The following DDC variants were observed in gnomAD, a reference collection of about 807,000 sequenced individuals.
The protein encoded by DDC is aromatic-L-amino-acid decarboxylase.
Under a neutral mutation model 60.0 loss-of-function variants are expected in DDC, and 43 were observed. The observed-to-expected ratio is 0.72, with a 90% CI of 0.56 to 0.92. The LOEUF is 0.92. Among genes scored for constraint, DDC ranks in the 40% least tolerant of loss-of-function variants. The probability of loss-of-function intolerance (pLI) is 0.00; values close to 1 mark genes in which losing one functional copy is unlikely to be tolerated. For missense variants in DDC, 573 were observed against 620.2 expected, an observed-to-expected ratio of 0.92 and a Z score of 0.81; for synonymous variants, 232 against 234.6, an observed-to-expected ratio of 0.99 and a Z score of 0.10.
chr7:50,512,827 C>T (rs2043617648), intron 6 of DDC, among the ~76,000 whole-genome samples: 1 of 152,154 alleles, frequency 6.6e-6, no homozygotes, highest in Non-Finnish European at 1.5e-5. Flanking sequence ...TTTAAGGATA[C>T]AGACAGTGTG....
intron 4 of DDC, among the ~76,000 whole-genome samples, chr7:50,534,901 G>A (rs1004484308): frequency 5.3e-5 from 8 of 152,202 alleles, no homozygotes; most frequent in African/African-American, 1.7e-4. Flanking sequence ...AGCTGACAGA[G>A]CACTGGCTGC....
chr7:50,521,821 A>G (rs2043898809), intron 6 of DDC, among the ~76,000 whole-genome samples: 1 of 152,178 alleles, frequency 6.6e-6, no homozygotes, highest in Admixed American at 6.5e-5. Flanking sequence ...CCTACTCTTA[A>G]CATCATACTT....
At chr7:50,507,961 G>A (rs759036849) in intron 6 of DDC, among the ~76,000 whole-genome samples, 9 of 152,242 alleles carry the variant, frequency 5.9e-5, no homozygotes, top group Non-Finnish European at 1.2e-4. Context: ...CACCCAGATA[G>A]GCAGGAGCAG....
At chr7:50,557,735 C>T (rs898786590) in intron 1 of DDC, among the ~76,000 whole-genome samples, 5 of 152,280 alleles carry the variant, frequency 3.3e-5, no homozygotes, top group South Asian at 4.1e-4. Flanking sequence ...CCATATAGGT[C>T]GCACCTATTG....
chr7:50,498,654 A>G (rs569956914), intron 8 of DDC, among the ~76,000 whole-genome samples: 18 of 152,374 alleles, frequency 1.2e-4, no homozygotes, highest in Admixed American at 2.6e-4. Context: ...CATTTCACTT[A>G]GCATTAAAGA....
At position 50,480,028 on chromosome 7, in the gene DDC, G is replaced by GT. The variant is rs11575455; in HGVS notation, c.945-166dup. ...TCTGCTCCAAGTACCTGGGGAGGGC[G>GT]TCTTAGAATAAAAAATAAATATTTG... On this transcript the variant is annotated intron_variant, in intron 9 of 14. Coordinates refer to ENST00000444124, the MANE Select transcript of DDC (RefSeq NM_001082971.2). 0.059 allele frequency: 38,160 copies of GT among 647,676 alleles called. 1,426 individuals are homozygous for GT. The highest frequency in any genetic ancestry group is 0.098 in the Middle Eastern group (242 of 2,480). The allele number at this position is 647,676 out of a possible 1,614,324, so 40.1% of individuals were successfully genotyped here. A position where few individuals can be genotyped will look rare whatever the true frequency, so the allele number is the denominator to read the frequency against.
chr7:50,460,692 T>C (rs999036383), intron 14 of DDC, among the ~76,000 whole-genome samples: 1 of 151,620 alleles, frequency 6.6e-6, no homozygotes, highest in Non-Finnish European at 1.5e-5. Flanking sequence ...ACTTTTCATT[T>C]TGTTCTGTAC....
chr7:50,500,946 G>C (rs552280102), intron 7 of DDC, among the ~76,000 whole-genome samples: 86 of 152,358 alleles, frequency 5.6e-4, no homozygotes, highest in African/African-American at 1.9e-3. Context: ...GCATGGAGCT[G>C]TGGGCATGCC....
intron 1 of DDC, among the ~76,000 whole-genome samples, chr7:50,563,269 G>T (rs1020827392): frequency 2.6e-5 from 4 of 152,018 alleles, no homozygotes; most frequent in African/African-American, 9.7e-5. Flanking sequence ...CAGAGAACAT[G>T]TTGGTGTGAG....
intron 8 of DDC, among the ~76,000 whole-genome samples, chr7:50,498,812 G>A (rs1417999921): frequency 2.0e-5 from 3 of 152,228 alleles, no homozygotes; most frequent in Non-Finnish European, 4.4e-5. Flanking sequence ...GGAATTGCGG[G>A]TTGGTATTTT....
chr7:50,474,764 A>G (rs533739158), intron 11 of DDC, among the ~76,000 whole-genome samples: 1 of 152,238 alleles, frequency 6.6e-6, no homozygotes, highest in Non-Finnish European at 1.5e-5. Context: ...AGCAAAGCCT[A>G]TGTTATTTTA....
At chr7:50,537,619 T>A (rs557706954) in intron 4 of DDC, among the ~76,000 whole-genome samples, 1 of 152,316 alleles carries the variant, frequency 6.6e-6, no homozygotes, top group Admixed American at 6.5e-5. Context: ...CTACCATAGC[T>A]AGGGGCCTGG....
intron 1 of DDC, among the ~76,000 whole-genome samples, chr7:50,550,336 T>C (rs540273084): frequency 6.6e-6 from 1 of 152,366 alleles, no homozygotes; most frequent in East Asian, 1.9e-4. Context: ...TTATATATAA[T>C]GTTATTGCAC....
chr7:50,524,693 A>G (rs1262845393), intron 6 of DDC, among the ~76,000 whole-genome samples: 2 of 152,202 alleles, frequency 1.3e-5, no homozygotes, highest in African/African-American at 4.8e-5. Context: ...ATGTATAAAG[A>G]GCCTGATTTT....
chr7:50,470,817 G>A (rs1380205077), intron 11 of DDC, among the ~76,000 whole-genome samples: 3 of 152,250 alleles, frequency 2.0e-5, no homozygotes, highest in Admixed American at 6.5e-5. Flanking sequence ...CACACTGAGG[G>A]ATGGAGATGT....
chr7:50,532,995 G>T (rs1038391348), intron 4 of DDC, among the ~76,000 whole-genome samples: 1 of 151,994 alleles, frequency 6.6e-6, no homozygotes, highest in African/African-American at 2.4e-5. Flanking sequence ...TTATAAGAAT[G>T]GAAAATTTGA....
intron 6 of DDC, among the ~76,000 whole-genome samples, chr7:50,516,738 A>G (rs968982216): frequency 2.0e-5 from 3 of 152,170 alleles, no homozygotes; most frequent in Non-Finnish European, 2.9e-5. Flanking sequence ...AAGAAACGAA[A>G]CAGGAGATAT....
At chr7:50,528,715 C>A (rs1221163422) in intron 5 of DDC, among the ~76,000 whole-genome samples, 2 of 152,090 alleles carry the variant, frequency 1.3e-5, no homozygotes, top group Non-Finnish European at 2.9e-5. Flanking sequence ...GGAAAGAAAC[C>A]AGCCAGGAGG....
chr7:50,554,531 A>G (rs900300642), intron 1 of DDC, among the ~76,000 whole-genome samples: 1 of 152,122 alleles, frequency 6.6e-6, no homozygotes, highest in East Asian at 1.9e-4. Flanking sequence ...TTTCTCTTCC[A>G]CAGCTCTCAA....
Sources: allele counts gnomAD v4.1 joint callset (sites outside exome capture counted in the v4.1 genomes callset), GRCh38; gene constraint gnomAD v4.1.1; transcripts MANE v1.5; gene names NCBI Gene and HGNC (gene_info 2026-07-23, HGNC 2026-07-21).